KCNIP4: variants seen among roughly 807,000 people sequenced by gnomAD.
The protein encoded by KCNIP4 is potassium voltage-gated channel interacting protein 4, also known as Kv channel-interacting protein 4.
In KCNIP4, 12 loss-of-function variants were observed where a neutral mutation model predicts 34.0. The ratio of observed to expected loss-of-function variants is 0.35; its 90% CI spans 0.23 to 0.57. The LOEUF (loss-of-function observed/expected upper bound fraction) is 0.57. Ranked by LOEUF, KCNIP4 falls within the 20% of genes least tolerant of loss-of-function variation. The probability of loss-of-function intolerance (pLI) is 0.83; values close to 1 mark genes in which losing one functional copy is unlikely to be tolerated. For synonymous variants in KCNIP4, 124 were observed against 102.2 expected, an observed-to-expected ratio of 1.21 and a Z score of -1.29; for missense variants, 238 against 311.7, an observed-to-expected ratio of 0.76 and a Z score of 1.78.
At chr4:21,106,807 T>C (rs1415213259) in intron 1 of KCNIP4, among the ~76,000 whole-genome samples, 2 of 151,672 alleles carry the variant, frequency 1.3e-5, no homozygotes, top group Admixed American at 6.5e-5. Flanking sequence ...GTCTTTTTTC[T>C]CGTTGGTGTC....
chr4:21,898,005 G>T (rs1301383167), intron 1 of KCNIP4, among the ~76,000 whole-genome samples: 2 of 152,134 alleles, frequency 1.3e-5, no homozygotes, highest in Non-Finnish European at 2.9e-5. Flanking sequence ...ATGCAGTGCT[G>T]CCCTGTCAGA....
intron 1 of KCNIP4, among the ~76,000 whole-genome samples, chr4:21,463,547 T>C (rs1415590974): frequency 2.0e-5 from 3 of 152,086 alleles, no homozygotes; most frequent in Non-Finnish European, 4.4e-5. Context: ...TATAATATTT[T>C]TCAAGGTTCA....
intron 1 of KCNIP4, among the ~76,000 whole-genome samples, chr4:21,894,647 T>A (rs1041323511): frequency 6.6e-6 from 1 of 152,176 alleles, no homozygotes. Flanking sequence ...CATTAAAAAT[T>A]TACATTCTGA....
rs574969643 is a variant in KCNIP4, at chr4:20,936,202, T to C, written c.62-53493A>G. On this transcript the variant is annotated intron_variant, in intron 1 of 8. Transcript: ENST00000382152. ...AATCTTTTCATAGAAGACAAAGTGG[T>C]GGTGAAAGCAAAGGGGCTGTCTGTC... Among the ~76,000 whole-genome samples, 14 of 152,194 alleles carry C rather than the reference T, an allele frequency of 9.2e-5. No homozygotes were observed. The South Asian group carries it at 2.7e-3, about 29-fold the overall frequency.
intron 1 of KCNIP4, among the ~76,000 whole-genome samples, chr4:21,080,481 A>G (rs1274062300): frequency 6.6e-6 from 1 of 151,884 alleles, no homozygotes; most frequent in Non-Finnish European, 1.5e-5. Flanking sequence ...TACCTTAACA[A>G]TATTTTATAG....
chr4:20,732,289 G>C (rs1411569522), intron 7 of KCNIP4, among the ~76,000 whole-genome samples: 4 of 152,172 alleles, frequency 2.6e-5, no homozygotes. Flanking sequence ...TGAAGATGTA[G>C]AGTCACTCTG....
intron 1 of KCNIP4, among the ~76,000 whole-genome samples, chr4:21,693,637 T>C (rs1033895453): frequency 3.3e-5 from 5 of 152,214 alleles, no homozygotes; most frequent in African/African-American, 1.2e-4. Flanking sequence ...ACTTCAGTGA[T>C]GTCAATTTTA....
intron 1 of KCNIP4, among the ~76,000 whole-genome samples, chr4:21,089,345 C>T (rs1746770075): frequency 6.6e-6 from 1 of 152,152 alleles, no homozygotes; most frequent in African/African-American, 2.4e-5. Context: ...TCTCTTGCAC[C>T]TTCCACCACG....
At chr4:21,842,308 T>G (rs2109322096) in intron 1 of KCNIP4, among the ~76,000 whole-genome samples, 1 of 152,228 alleles carries the variant, frequency 6.6e-6, no homozygotes, top group South Asian at 2.1e-4. Context: ...TACAAATAGT[T>G]TTACACTAGA....
In KCNIP4 at chr4:21,155,649, T is replaced by C. The variant is rs569416866; in HGVS notation, c.62-272940A>G. On this transcript the variant is annotated intron_variant, in intron 1 of 8. Transcript: ENST00000382152. Reference sequence around the variant, plus strand: ...GGAGTCACTTGTCAGTAATATAGTCTGGACTGGAACACGGAAGCTCTATGC... The same window carrying C: ...GGAGTCACTTGTCAGTAATATAGTCCGGACTGGAACACGGAAGCTCTATGC... Among the ~76,000 whole-genome samples the C allele has an allele frequency of 5.3e-5, 8 of 152,238 alleles. No homozygotes were observed. The South Asian group carries it at 1.5e-3, about 28-fold the overall frequency.
intron 1 of KCNIP4, among the ~76,000 whole-genome samples, chr4:21,255,622 C>T (rs111884891): frequency 0.011 from 1,615 of 149,666 alleles, 26 homozygotes; most frequent in African/African-American, 0.037. Flanking sequence ...CTTTTCTGAC[C>T]CTTAGTATCT....
At chr4:20,733,098 A>T (rs1748737807) in intron 6 of KCNIP4, among the ~76,000 whole-genome samples, 1 of 152,180 alleles carries the variant, frequency 6.6e-6, no homozygotes, top group East Asian at 1.9e-4. Context: ...CTTTAAGTAG[A>T]CTATGTTTAT....
intron 1 of KCNIP4, among the ~76,000 whole-genome samples, chr4:21,253,503 T>C (rs1760861316): frequency 6.6e-6 from 1 of 152,356 alleles, no homozygotes; most frequent in Non-Finnish European, 1.5e-5. Context: ...TCTACTGCTA[T>C]CTAGTCTACA....
chr4:21,109,617 A>T (rs1475613627), intron 1 of KCNIP4, among the ~76,000 whole-genome samples: 1 of 152,114 alleles, frequency 6.6e-6, no homozygotes, highest in Admixed American at 6.6e-5. Flanking sequence ...ACTGTCCTGC[A>T]CCCACTGTCT....
chr4:20,973,547 CT>C (rs1289454104), intron 1 of KCNIP4, among the ~76,000 whole-genome samples: 5 of 152,328 alleles, frequency 3.3e-5, no homozygotes, highest in African/African-American at 1.2e-4. Context: ...AGCACTTTTC[CT>C]TTGAGAACTA....
At chr4:21,839,590 C>A (rs1723553803) in intron 1 of KCNIP4, among the ~76,000 whole-genome samples, 1 of 152,028 alleles carries the variant, frequency 6.6e-6, no homozygotes, top group South Asian at 2.1e-4. Flanking sequence ...ACTGTCTCTA[C>A]TAAAAATACA....
intron 1 of KCNIP4, among the ~76,000 whole-genome samples, chr4:21,511,639 C>T (rs1392686320): frequency 6.6e-6 from 1 of 152,088 alleles, no homozygotes; most frequent in East Asian, 1.9e-4. Context: ...AATAACGCTC[C>T]TTGTAAGTAG....
intron 1 of KCNIP4, among the ~76,000 whole-genome samples, chr4:21,685,424 C>A (rs867399590): frequency 1.3e-5 from 2 of 152,046 alleles, no homozygotes; most frequent in Non-Finnish European, 2.9e-5. Flanking sequence ...CCTGCTAAGA[C>A]GTGATGGTGC....
intron 3 of KCNIP4, among the ~76,000 whole-genome samples, chr4:20,783,954 A>C (rs1711577823): frequency 6.6e-6 from 1 of 152,116 alleles, no homozygotes; most frequent in African/African-American, 2.4e-5. Flanking sequence ...GTAGGCTCTG[A>C]GAATACAATG....
Sources: allele counts gnomAD v4.1 joint callset (sites outside exome capture counted in the v4.1 genomes callset), GRCh38; gene constraint gnomAD v4.1.1; transcripts MANE v1.5; gene names NCBI Gene and HGNC (gene_info 2026-07-23, HGNC 2026-07-21).